SLC9A2: variants seen among roughly 807,000 people sequenced by gnomAD.
SLC9A2 encodes the protein sodium/hydrogen exchanger 2.
A neutral mutation model predicts 71.7 loss-of-function variants in SLC9A2; 42 were observed. That is an observed-to-expected ratio of 0.59 (90% CI 0.46 to 0.76). SLC9A2 has a LOEUF of 0.76. Ranked by LOEUF, SLC9A2 falls within the 30% of genes least tolerant of loss-of-function variation. The pLI, the probability that SLC9A2 is intolerant of heterozygous loss-of-function variation, is 0.00. For missense variants in SLC9A2, 829 were observed against 1,017.4 expected (o/e 0.81, Z 2.52); for synonymous variants, 396 against 392.5 (o/e 1.01, Z -0.10).
At chr2:102,692,965 A>T (rs1677691117) in intron 5 of SLC9A2, among the ~76,000 whole-genome samples, 1 of 151,896 alleles carries the variant, frequency 6.6e-6, no homozygotes, top group Non-Finnish European at 1.5e-5. Flanking sequence ...ATCTATGCAT[A>T]TTTAGTATCT....
chr2:102,673,810 C>T (rs375030624), intron 3 of SLC9A2, among the ~76,000 whole-genome samples: 3 of 148,850 alleles, frequency 2.0e-5, no homozygotes, highest in African/African-American at 5.0e-5. Flanking sequence ...TTTTTGAGAC[C>T]GAGTCTCACT....
intron 1 of SLC9A2, among the ~76,000 whole-genome samples, chr2:102,632,023 T>C (rs1388461162): frequency 0.019 from 1,481 of 78,294 alleles, 132 homozygotes; most frequent in African/African-American, 0.054. Flanking sequence ...TATATATATA[T>C]ATATATATAT....
Position 102,711,337 on chromosome 2 carries a change from C to A in SLC9A2, c.*2848C>A, listed in dbSNP as rs766167683. 1.6e-4 allele frequency: 25 copies of A among 152,290 alleles called. No individual in the cohort carries two copies. The highest frequency in any genetic ancestry group is 2.9e-4 in the Non-Finnish European group (20 of 68,042). The allele number at this position is 152,290 out of a possible 1,614,324, so 9.4% of individuals were successfully genotyped here. On this transcript the variant is annotated 3_prime_UTR_variant, in exon 12 of 12. Transcript: ENST00000233969. ...GGATGAAGCAGCTGTTGGCATTATC[C>A]GCTGAGGCTTGAACACCACGTGCTG... is the stretch of plus-strand genomic sequence containing the variant.
At position 102,657,958 on chromosome 2, in the gene SLC9A2, C is replaced by T. The variant is rs369331319; in HGVS notation, c.684C>T (p.Asn228=). The change falls in exon 2 of 12, where the codon AAC becomes AAT. Residue 228 remains asparagine (N), a synonymous_variant. Transcript: ENST00000233969. ...DPVAVLAVFE[N]IHVNEQLYIL... is the part of the protein sequence containing the mutation. ...TGGCTGTGCTTGCTGTCTTTGAGAACATTCACGTCAATGAGCAGCTCTACA... is the reference window on the plus strand; with the variant it reads ...TGGCTGTGCTTGCTGTCTTTGAGAATATTCACGTCAATGAGCAGCTCTACA... The T allele has an allele frequency of 8.7e-6, 14 of 1,614,010 alleles. No individual in the cohort carries two copies. In the African/African-American group the frequency reaches 1.7e-4, roughly 20 times the overall value.
Position 102,675,392 on chromosome 2 carries a change from A to G in SLC9A2, c.1005-7869A>G, listed in dbSNP as rs373283133. The stretch of plus-strand genomic sequence containing the variant: ...CCTTTGGAATCTTTAAGGAGAAGTG[A>G]CACAATTGTATTTCTGTTTTATGAT... On this transcript the variant is annotated intron_variant, in intron 3 of 11. Coordinates refer to ENST00000233969, the MANE Select transcript of SLC9A2 (RefSeq NM_003048.6). Among the ~76,000 whole-genome samples, 3 of 152,230 alleles carry G rather than the reference A, an allele frequency of 2.0e-5. 1 individual carries two copies. In the South Asian group the frequency reaches 6.2e-4, roughly 32 times the overall value.
At chr2:102,667,912 A>C (rs986028152) in intron 3 of SLC9A2, among the ~76,000 whole-genome samples, 19 of 151,868 alleles carry the variant, frequency 1.3e-4, no homozygotes, top group Non-Finnish European at 2.1e-4. Context: ...TCTACTAAAA[A>C]AAAAATACAA....
chr2:102,639,843 A>G (rs1676539589), intron 1 of SLC9A2, among the ~76,000 whole-genome samples: 1 of 151,826 alleles, frequency 6.6e-6, no homozygotes, highest in Non-Finnish European at 1.5e-5. Flanking sequence ...CATTTTAAGG[A>G]GGAACAATAT....
chr2:102,637,146 CTG>C (rs1436249775), intron 1 of SLC9A2, among the ~76,000 whole-genome samples: 4 of 152,212 alleles, frequency 2.6e-5, no homozygotes, highest in Non-Finnish European at 5.9e-5. Context: ...TCCTAACAGA[CTG>C]AGAGCAAGCT....
intron 5 of SLC9A2, among the ~76,000 whole-genome samples, chr2:102,685,801 A>G (rs1276738393): frequency 6.6e-6 from 1 of 152,152 alleles, no homozygotes; most frequent in Non-Finnish European, 1.5e-5. Flanking sequence ...CCTACAGTGG[A>G]GATACGGATG....
At chr2:102,665,545 C>T (rs923025034) in intron 3 of SLC9A2, among the ~76,000 whole-genome samples, 195 bp downstream of exon 3, 6 of 151,892 alleles carry the variant, frequency 4.0e-5, no homozygotes, top group Admixed American at 2.6e-4. Flanking sequence ...GAGGCCGAGA[C>T]GCGTGGATCA....
At chr2:102,680,715 A>G (rs749379856) in intron 3 of SLC9A2, among the ~76,000 whole-genome samples, 1 of 152,216 alleles carries the variant, frequency 6.6e-6, no homozygotes, top group Non-Finnish European at 1.5e-5. Flanking sequence ...ACCTGCTAAT[A>G]TGTTACCTTC....
chr2:102,677,297 G>A (rs1020666951), intron 3 of SLC9A2, among the ~76,000 whole-genome samples: 1 of 149,196 alleles, frequency 6.7e-6, no homozygotes, highest in East Asian at 1.9e-4. Flanking sequence ...CTCCCCAGGG[G>A]GAAAAAAAAA....
intron 10 of SLC9A2, 139 bp from the exon 11 acceptor site, chr2:102,705,707 G>T: frequency 3.9e-6 from 2 of 508,870 alleles, no homozygotes; most frequent in South Asian, 3.3e-5. Flanking sequence ...AATAGTTATA[G>T]CCCCTCACAA....
intron 1 of SLC9A2, among the ~76,000 whole-genome samples, chr2:102,627,582 T>A (rs1676274211): frequency 6.6e-6 from 1 of 152,180 alleles, no homozygotes; most frequent in Non-Finnish European, 1.5e-5. Context: ...TATGCATTTA[T>A]GTTCTCCTTT....
At chr2:102,704,140 A>G (rs1677926818) in intron 9 of SLC9A2, among the ~76,000 whole-genome samples, 1 of 152,168 alleles carries the variant, frequency 6.6e-6, no homozygotes, top group Non-Finnish European at 1.5e-5. Flanking sequence ...TCAATGAAAA[A>G]CAAACCTTAT....
intron 3 of SLC9A2, among the ~76,000 whole-genome samples, chr2:102,681,748 G>A (rs1235936023): frequency 6.6e-6 from 1 of 152,196 alleles, no homozygotes; most frequent in African/African-American, 2.4e-5. Context: ...TTATTCTGGG[G>A]ACAGTGACAT....
chr2:102,632,243 T>C lies in SLC9A2; in HGVS notation c.289+12106T>C, dbSNP rs190855360. Among the ~76,000 whole-genome samples the C allele has an allele frequency of 8.4e-3, 1,212 of 143,988 alleles. 18 individuals are homozygous for C. Among genetic ancestry groups the C allele is most frequent in the African/African-American group, 0.028 (1,088 of 39,224 alleles). The allele number at this position is 143,988 out of a possible 152,430, so 94.5% of individuals were successfully genotyped here. A position where few individuals can be genotyped will look rare whatever the true frequency, so the allele number is the denominator to read the frequency against. On this transcript the variant is annotated intron_variant, in intron 1 of 11. Transcript: ENST00000233969. Reference sequence around the variant, plus strand: ...ATATTTATTATATATATAATACATATATATATATATATTTGCCCTATCTGT... The same window carrying C: ...ATATTTATTATATATATAATACATACATATATATATATTTGCCCTATCTGT...
rs1362837136 is a variant in SLC9A2, at chr2:102,695,087, T to C, written c.1560T>C (p.His520=). Residue 520 remains histidine (H), a synonymous_variant, in exon 7 of 12, where the codon CAT becomes CAC. Transcript: ENST00000233969. The part of the protein sequence containing the change: ...VKTGIEDVCG[H]WGHNFWRDKF... ...CTGGAATTGAAGATGTTTGTGGACA[T>C]TGGGGTCACAACTTTTGGAGAGACA... 6.2e-7 allele frequency: 1 copy of C among 1,613,962 alleles called. No individual in the cohort carries two copies. The highest frequency in any genetic ancestry group is 1.1e-5 in the South Asian group (1 of 91,074).
At chr2:102,649,640 C>A (rs1212061196) in intron 1 of SLC9A2, among the ~76,000 whole-genome samples, 1 of 151,590 alleles carries the variant, frequency 6.6e-6, no homozygotes, top group East Asian at 1.9e-4. Flanking sequence ...AAACAAACAA[C>A]CCCATCAAAA....
Sources: allele counts gnomAD v4.1 joint callset (sites outside exome capture counted in the v4.1 genomes callset), GRCh38; gene constraint gnomAD v4.1.1; transcripts MANE v1.5; gene names NCBI Gene and HGNC (gene_info 2026-07-23, HGNC 2026-07-21).